Variants in ARHGEF19 observed in about 807,000 individuals in gnomAD.
ARHGEF19 encodes the protein Rho guanine nucleotide exchange factor (GEF) 19.
A neutral mutation model predicts 87.6 loss-of-function variants in ARHGEF19; 92 were observed. The ratio of observed to expected loss-of-function variants is 1.05; its 90% CI spans 0.89 to 1.25. The LOEUF (loss-of-function observed/expected upper bound fraction) is 1.25, where lower values mean the gene tolerates loss of function less well. Among genes scored for constraint, ARHGEF19 ranks in the 50% most tolerant of loss-of-function variants. ARHGEF19 has a pLI of 0.00. For missense variants in ARHGEF19, 1,054 were observed against 1,051.8 expected, an observed-to-expected ratio of 1.00 and a Z score of -0.03; for synonymous variants, 438 against 446.2, an observed-to-expected ratio of 0.98 and a Z score of 0.23.
rs1371603822 is a variant in ARHGEF19 at position 16,206,915 on chromosome 1, C to G, written c.1137+33G>C. ...CCCGGACCGCGTACTCCCCGGCCCGCCCCCGCCCCGCCGGGTCCCCGCGCG... is the reference window on the plus strand; with the variant it reads ...CCCGGACCGCGTACTCCCCGGCCCGGCCCCGCCCCGCCGGGTCCCCGCGCG... On this transcript the variant is annotated intron_variant, in intron 6 of 15. Coordinates refer to ENST00000270747, the MANE Select transcript of ARHGEF19 (RefSeq NM_153213.5). The surrounding 1 kb of genome is among the most constrained non-coding windows in gnomAD (Gnocchi z 4.6). The G allele has an allele frequency of 7.0e-7, 1 of 1,433,466 alleles. No individual in the cohort carries two copies. 88.8% of individuals were successfully genotyped at this position (1,433,466 alleles called of 1,614,324 possible).
At position 16,204,808 on chromosome 1, in the gene ARHGEF19, C is replaced by T. The variant is rs1222300710; in HGVS notation, c.1858G>A (p.Val620Ile). The T allele has an allele frequency of 6.2e-7, 1 of 1,612,898 alleles. No individual in the cohort carries two copies. Among genetic ancestry groups the T allele is most frequent in the Non-Finnish European group, 8.5e-7 (1 of 1,179,460 alleles). Reference sequence around the variant, plus strand: ...CAGTCATTGAAGAGGTGGAGGTAGACTGCCTTGCTGGACAGCTTCAGCTTG... The same window carrying T: ...CAGTCATTGAAGAGGTGGAGGTAGATTGCCTTGCTGGACAGCTTCAGCTTG... The part of the protein sequence containing the change: ...PAKLKLSSKA[V>I]YLHLFNDCLL... The change falls in exon 12 of 16, where the codon GTC becomes ATC. Residue 620 changes from valine to isoleucine, a missense_variant. Transcript: ENST00000270747.
At chr1:16,203,041 G>A (rs1047507356) in intron 12 of ARHGEF19, among the ~76,000 whole-genome samples, 2 of 152,062 alleles carry the variant, frequency 1.3e-5, no homozygotes, top group Non-Finnish European at 2.9e-5. Flanking sequence ...CAACTGGACA[G>A]CTCCCCTGAG....
rs1204903574 is a variant in ARHGEF19 at position 16,207,915 on chromosome 1, C to T, written c.694+29G>A. 7.5e-7 allele frequency: 1 copy of T among 1,326,668 alleles called. No individual in the cohort carries two copies. The highest frequency in any genetic ancestry group is 1.2e-5 in the South Asian group (1 of 84,874). 82.2% of individuals were successfully genotyped at this position (1,326,668 alleles called of 1,614,324 possible). On this transcript the variant is annotated intron_variant, in intron 3 of 15. Coordinates refer to ENST00000270747, the MANE Select transcript of ARHGEF19 (RefSeq NM_153213.5). This position sits in a 1 kb window ranked among gnomAD's most constrained non-coding sequence, Gnocchi z 4.0. ...CCCACCCCCACCCGGCATCTGGCTG[C>T]CCTCAGGGCCCATGGGAGGAGCTGG...
chr1:16,198,720 G>T lies in ARHGEF19; in HGVS notation c.2276C>A (p.Ala759Glu). ...SDGWLEGVRLADGEKGWVPQA... is the reference protein window; with the variant it reads ...SDGWLEGVRLEDGEKGWVPQA... ...GGGCACCCACCCCTTCTCACCATCT[G>T]CCAGGCGGACCCCTTCCAGCCAGCC... The change falls in exon 16 of 16, where the codon GCA becomes GAA. Residue 759 changes from alanine (A) to glutamate (E), a missense_variant. Ala to Glu is a moderately radical substitution (Grantham distance 107). Coordinates refer to ENST00000270747, the MANE Select transcript of ARHGEF19 (RefSeq NM_153213.5). The surrounding 1 kb of genome is among the most constrained non-coding windows in gnomAD (Gnocchi z 4.1). 6.2e-7 allele frequency: 1 copy of T among 1,609,766 alleles called. No individual in the cohort carries two copies. Among genetic ancestry groups the T allele is most frequent in the African/African-American group, 1.3e-5 (1 of 74,858 alleles).
Position 16,199,124 on chromosome 1 carries a change from G to T in ARHGEF19, c.2251+26C>A, listed in dbSNP as rs184563102. The T allele has an allele frequency of 1.5e-4, 237 of 1,610,978 alleles. 1 individual carries two copies. The African/African-American group carries it at 2.5e-3, about 17-fold the overall frequency. ...TCCTGCCCACCCAAGCCCCATCAGG[G>T]ACACTTTCCCAGGAGGCCCCCTCAC... is the stretch of plus-strand genomic sequence containing the variant. On this transcript the variant is annotated intron_variant, in intron 15 of 15. Transcript: ENST00000270747.
Position 16,208,140 on chromosome 1 carries a change from C to A in ARHGEF19, c.498G>T (p.Val166=), listed in dbSNP as rs1346306516. The part of the protein sequence containing the change: ...HAVFLEPGQV[V]QEQALSTEEP... ...CCTCTGTGCTCAGGGCCTGCTCTTG[C>A]ACTACCTGGCCAGGCTCTAGGAAGA... is the stretch of plus-strand genomic sequence containing the variant. Residue 166 remains valine (V), a synonymous_variant, in exon 3 of 16, where the codon GTG becomes GTT. Coordinates refer to ENST00000270747, the MANE Select transcript of ARHGEF19 (RefSeq NM_153213.5). The A allele has an allele frequency of 6.2e-7, 1 of 1,613,366 alleles. No homozygotes were observed. The highest frequency in any genetic ancestry group is 1.7e-5 in the Admixed American group (1 of 60,002).
At position 16,205,938 on chromosome 1, in the gene ARHGEF19, G is replaced by C. The variant is rs758918956; in HGVS notation, c.1444C>G (p.Arg482Gly). ...CAGAGCCCCCAGCCCTACAGCAGGC[G>C]CTGGTAGGTGCGCTCCTGGTAGGCC... ...NQAYQERTYQ[R>G]LLLENPRFPG... Residue 482 changes from arginine (R) to glycine (G), a missense_variant, in exon 8 of 16, where the codon CGC (arginine) becomes GGC (glycine). By Grantham distance (125) the Arg-to-Gly change is moderately radical. Coordinates refer to ENST00000270747, the MANE Select transcript of ARHGEF19 (RefSeq NM_153213.5). The surrounding 1 kb of genome is among the most constrained non-coding windows in gnomAD (Gnocchi z 5.8). 5.0e-6 allele frequency: 8 copies of C among 1,608,242 alleles called. No homozygotes were observed. The South Asian group carries it at 8.9e-5, about 18-fold the overall frequency.
At chr1:16,202,022 A>G (rs1411887510) in intron 13 of ARHGEF19, among the ~76,000 whole-genome samples, 161 bp from the exon 14 acceptor site, 1 of 145,376 alleles carries the variant, frequency 6.9e-6, no homozygotes, top group African/African-American at 2.5e-5. Flanking sequence ...CCACCCCACA[A>G]CCCGGTTCCC....
Position 16,207,646 on chromosome 1 carries a change from C to T in ARHGEF19, c.797+29G>A, listed in dbSNP as rs576645863. On this transcript the variant is annotated intron_variant, in intron 4 of 15. Coordinates refer to ENST00000270747, the MANE Select transcript of ARHGEF19 (RefSeq NM_153213.5). The surrounding 1 kb of genome is among the most constrained non-coding windows in gnomAD (Gnocchi z 4.0). ...GCCCTAGTTCGCCTGCACCCTGTCT[C>T]GGACCCAAGCCCAAACGGGAGGTGG... is the stretch of plus-strand genomic sequence containing the variant. The T allele has an allele frequency of 1.2e-5, 20 of 1,614,054 alleles. No individual in the cohort carries two copies. The East Asian group carries it at 1.8e-4, about 14-fold the overall frequency.
intron 12 of ARHGEF19, among the ~76,000 whole-genome samples, chr1:16,203,604 C>T (rs2081100948): frequency 6.6e-6 from 1 of 152,210 alleles, no homozygotes; most frequent in Non-Finnish European, 1.5e-5. Flanking sequence ...TGACCTTCAA[C>T]ATCCCAACTT....
intron 1 of ARHGEF19, 98 bp from the exon 2 acceptor site, chr1:16,209,181 T>A: frequency 1.3e-6 from 1 of 793,324 alleles, no homozygotes; most frequent in Non-Finnish European, 1.8e-6. Context: ...TGTACACTTG[T>A]GTACACACAT....
At position 16,208,647 on chromosome 1, in the gene ARHGEF19, A is replaced by C; in HGVS notation, c.408T>G (p.Ser136=). Residue 136 remains serine (S), a synonymous_variant, in exon 2 of 16, where the codon TCT becomes TCG. Transcript: ENST00000270747. ...GCCTTCCCCAGGGTGACTCACAGGCAGACTTCTTCTCCGAGCCGTGGCTGG... is the reference window on the plus strand; with the variant it reads ...GCCTTCCCCAGGGTGACTCACAGGCCGACTTCTTCTCCGAGCCGTGGCTGG... ...RRASHGSEKK[S]AWRKMRVYQR... 1 of 1,602,344 alleles carries C rather than the reference A, an allele frequency of 6.2e-7. No individual in the cohort carries two copies. The highest frequency in any genetic ancestry group is 8.5e-7 in the Non-Finnish European group (1 of 1,176,338).
rs775349914 is a variant in ARHGEF19, at chr1:16,207,138, C to T, written c.947G>A (p.Gly316Asp). ...TGCGCCCTCGGCCTCGTCCCCCGGG[C>T]CCTCCTCCTCGCGCTGCTGCCGCCG... ...ELRRQQREEE[G>D]PGDEAEGAEE... The change falls in exon 6 of 16, where the codon GGC becomes GAC. Residue 316 changes from glycine to aspartate, a missense_variant. Coordinates refer to ENST00000270747, the MANE Select transcript of ARHGEF19 (RefSeq NM_153213.5). This position sits in a 1 kb window ranked among gnomAD's most constrained non-coding sequence, Gnocchi z 4.0. 9 of 1,527,508 alleles carry T rather than the reference C, an allele frequency of 5.9e-6. No homozygotes were observed. Among genetic ancestry groups the T allele is most frequent in the Non-Finnish European group, 7.9e-6 (9 of 1,140,998 alleles). The allele number at this position is 1,527,508 out of a possible 1,614,324, so 94.6% of individuals were successfully genotyped here. A position where few individuals can be genotyped will look rare whatever the true frequency, so the allele number is the denominator to read the frequency against.
chr1:16,208,961 G>A lies in ARHGEF19; in HGVS notation c.94C>T (p.Leu32=). ...AGGGCGGGCAGCTCTGCAAAGGACA[G>A]ACTCTCCTGCTGGCACACTGCTACA... ...HPVAVCQQES[L]SFAELPALKP... is the part of the protein sequence containing the mutation. Residue 32 remains leucine (L), a synonymous_variant, in exon 2 of 16, where the codon CTG becomes TTG. Transcript: ENST00000270747. 1 of 1,562,016 alleles carries A rather than the reference G, an allele frequency of 6.4e-7. No individual in the cohort carries two copies. Among genetic ancestry groups the A allele is most frequent in the Non-Finnish European group, 8.7e-7 (1 of 1,155,506 alleles).
chr1:16,208,311 G>T (rs2081165415), intron 2 of ARHGEF19, 86 bp from the exon 3 acceptor site: 1 of 1,465,032 alleles, frequency 6.8e-7, no homozygotes. Flanking sequence ...TGAGCACCTG[G>T]GGAGGTTCAG....
At chr1:16,204,231 T>A (rs1382310508) in intron 12 of ARHGEF19, among the ~76,000 whole-genome samples, 2 of 152,120 alleles carry the variant, frequency 1.3e-5, no homozygotes, top group East Asian at 3.9e-4. Flanking sequence ...TTCCTAACAA[T>A]CCCAGCTAAT....
Position 16,212,554 on chromosome 1 carries a change from C to T in ARHGEF19, c.-82G>A, listed in dbSNP as rs2081206360. The T allele has an allele frequency of 6.6e-6, 1 of 152,598 alleles. No homozygotes were observed. The highest frequency in any genetic ancestry group is 6.5e-5 in the Admixed American group (1 of 15,290). The allele number at this position is 152,598 out of a possible 1,614,324, so 9.5% of individuals were successfully genotyped here. On this transcript the variant is annotated 5_prime_UTR_variant, in exon 1 of 16. It adds an upstream start codon to the 5' untranslated region. Transcript: ENST00000270747. ...CAGCACGGTCCAGGGCTCCGGGACACCCTGGGGGCTCTGGGGTTGCAGCCA... is the reference window on the plus strand; with the variant it reads ...CAGCACGGTCCAGGGCTCCGGGACATCCTGGGGGCTCTGGGGTTGCAGCCA...
At chr1:16,208,621 C>T (rs369205100) in intron 2 of ARHGEF19, 22 bp downstream of exon 2, 72 of 1,579,258 alleles carry the variant, frequency 4.6e-5, no homozygotes, top group Middle Eastern at 1.7e-4. Context: ...CACCCACACC[C>T]GCCTTCCCCA....
At chr1:16,204,028 T>C (rs1255360046) in intron 12 of ARHGEF19, among the ~76,000 whole-genome samples, 3 of 152,212 alleles carry the variant, frequency 2.0e-5, no homozygotes, top group Non-Finnish European at 4.4e-5. Flanking sequence ...TAGCATAACA[T>C]GTCCATCCTT....
Sources: allele counts gnomAD v4.1 joint callset (sites outside exome capture counted in the v4.1 genomes callset), GRCh38; gene constraint gnomAD v4.1.1; non-coding constraint Gnocchi (gnomAD v3.1); transcripts MANE v1.5; gene names NCBI Gene and HGNC (gene_info 2026-07-23, HGNC 2026-07-21).